CPA6: variants seen among roughly 807,000 people sequenced by gnomAD.
The protein encoded by CPA6 is carboxypeptidase B.
Under a neutral mutation model 63.3 loss-of-function variants are expected in CPA6, and 58 were observed. That is an observed-to-expected ratio of 0.92 (90% confidence interval 0.74 to 1.14). CPA6 has a LOEUF of 1.14. Ranked by LOEUF, CPA6 falls within the 50% of genes most tolerant of loss-of-function variation. The pLI, the probability that CPA6 is intolerant of heterozygous loss-of-function variation, is 0.00. For missense variants in CPA6, 565 were observed against 526.6 expected, an observed-to-expected ratio of 1.07 and a Z score of -0.71; for synonymous variants, 185 against 179.0, an observed-to-expected ratio of 1.03 and a Z score of -0.27.
chr8:67,607,556 T>A (rs1358011665), intron 2 of CPA6, among the ~76,000 whole-genome samples: 1 of 152,056 alleles, frequency 6.6e-6, no homozygotes, highest in Non-Finnish European at 1.5e-5. Flanking sequence ...CTTGTAAACC[T>A]GTCTATTTCT....
intron 8 of CPA6, among the ~76,000 whole-genome samples, chr8:67,436,416 A>T (rs1587422627): frequency 6.9e-6 from 1 of 145,314 alleles, no homozygotes; most frequent in Non-Finnish European, 1.5e-5. Flanking sequence ...AGAAAAGAAG[A>T]TGTGTATATT....
At chr8:67,718,527 C>T (rs78379867) in intron 1 of CPA6, among the ~76,000 whole-genome samples, 6,705 of 152,172 alleles carry the variant, frequency 0.044, 260 homozygotes, top group African/African-American at 0.099. Flanking sequence ...CATTTGGTGA[C>T]TCAGAAAGTG....
chr8:67,444,699 C>T (rs991958440), intron 8 of CPA6, among the ~76,000 whole-genome samples: 4 of 150,148 alleles, frequency 2.7e-5, no homozygotes, highest in African/African-American at 9.8e-5. Context: ...AGAAGAATCA[C>T]TTGAACCCGG....
In CPA6 at chr8:67,689,322, G is replaced by A. The variant is rs147474015; in HGVS notation, c.116+56692C>T. ...AGATTCAGTGGGTACACATGCAGGTGTGTTACATGGGTATATTGTGTGATA... is the reference window on the plus strand; with the variant it reads ...AGATTCAGTGGGTACACATGCAGGTATGTTACATGGGTATATTGTGTGATA... On this transcript the variant is annotated intron_variant, in intron 1 of 10. Transcript: ENST00000297770. 2.0e-3 allele frequency among the ~76,000 whole-genome samples: 298 copies of A among 152,254 alleles called. 3 individuals are homozygous for A. The highest frequency in any genetic ancestry group is 0.011 in the South Asian group (55 of 4,824).
At chr8:67,588,572 C>T (rs1814012057) in intron 2 of CPA6, among the ~76,000 whole-genome samples, 1 of 152,118 alleles carries the variant, frequency 6.6e-6, no homozygotes, top group African/African-American at 2.4e-5. Context: ...AATTACTACA[C>T]TGAAAGCATG....
At chr8:67,636,897 GA>G (rs1815480962) in intron 1 of CPA6, among the ~76,000 whole-genome samples, 1 of 151,532 alleles carries the variant, frequency 6.6e-6, no homozygotes, top group Non-Finnish European at 1.5e-5. Flanking sequence ...TGATGCACAT[GA>G]AAAATTTCAT....
intron 6 of CPA6, among the ~76,000 whole-genome samples, chr8:67,492,070 G>A (rs1364362861): frequency 6.6e-6 from 1 of 152,154 alleles, no homozygotes; most frequent in Non-Finnish European, 1.5e-5. Context: ...TGAAAGTGTG[G>A]CAAAGAAATG....
chr8:67,619,504 C>T (rs1007670910), intron 2 of CPA6, among the ~76,000 whole-genome samples: 3 of 152,052 alleles, frequency 2.0e-5, no homozygotes, highest in Non-Finnish European at 4.4e-5. Flanking sequence ...GGGCATTGAC[C>T]GGGGTGTGCT....
intron 1 of CPA6, among the ~76,000 whole-genome samples, chr8:67,694,603 C>A (rs1219055745): frequency 6.6e-5 from 10 of 152,220 alleles, no homozygotes; most frequent in Admixed American, 6.5e-4. Context: ...TGCCCATGGT[C>A]TCCACTCCTG....
chr8:67,726,409 G>T (rs541870473), intron 1 of CPA6, among the ~76,000 whole-genome samples: 1 of 152,148 alleles, frequency 6.6e-6, no homozygotes, highest in Non-Finnish European at 1.5e-5. Flanking sequence ...AAATGACGAC[G>T]TTTAACCTGG....
chr8:67,494,358 C>T (rs1296093142), intron 6 of CPA6, among the ~76,000 whole-genome samples: 8 of 152,166 alleles, frequency 5.3e-5, no homozygotes, highest in African/African-American at 1.4e-4. Flanking sequence ...ACTTGGAAAT[C>T]AAACAAATAT....
chr8:67,583,232 G>T (rs1027654156), intron 2 of CPA6, among the ~76,000 whole-genome samples: 1 of 152,232 alleles, frequency 6.6e-6, no homozygotes, highest in Non-Finnish European at 1.5e-5. Flanking sequence ...GTTAGTGGTA[G>T]TTGCTGGTTG....
At chr8:67,428,206 C>A in intron 9 of CPA6, 75 bp from the exon 10 acceptor site, 1 of 797,496 alleles carries the variant, frequency 1.3e-6, no homozygotes, top group Non-Finnish European at 2.1e-6. Context: ...TTGTTTGAGC[C>A]TCATCGATCA....
intron 1 of CPA6, among the ~76,000 whole-genome samples, chr8:67,669,154 C>T (rs957465421): frequency 1.3e-5 from 2 of 152,164 alleles, no homozygotes; most frequent in Non-Finnish European, 2.9e-5. Flanking sequence ...GTCAAAATTA[C>T]ATAGGAAAGA....
chr8:67,644,441 G>T (rs905445834), intron 1 of CPA6, among the ~76,000 whole-genome samples: 1 of 152,138 alleles, frequency 6.6e-6, no homozygotes, highest in African/African-American at 2.4e-5. Context: ...TGGCTTGCAG[G>T]GATGCCCTGG....
chr8:67,471,712 TTAC>T (rs1811063352), intron 8 of CPA6, among the ~76,000 whole-genome samples: 1 of 152,200 alleles, frequency 6.6e-6, no homozygotes, highest in Admixed American at 6.5e-5. Flanking sequence ...ATATCATCAT[TTAC>T]CTACATCTGT....
intron 1 of CPA6, among the ~76,000 whole-genome samples, chr8:67,718,690 AG>A (rs1176239502): frequency 6.7e-6 from 1 of 149,962 alleles, no homozygotes; most frequent in Non-Finnish European, 1.5e-5. Context: ...CTCTGTCACC[AG>A]GCTGGAGTGC....
At chr8:67,697,307 A>C (rs573335309) in intron 1 of CPA6, among the ~76,000 whole-genome samples, 13 of 152,334 alleles carry the variant, frequency 8.5e-5, no homozygotes, top group African/African-American at 3.1e-4. Context: ...GTCCTGGGTT[A>C]CAAATGCTGT....
intron 2 of CPA6, among the ~76,000 whole-genome samples, chr8:67,552,799 AAAG>A (rs1420088458): frequency 1.3e-4 from 20 of 149,640 alleles, no homozygotes; most frequent in African/African-American, 4.2e-4. Context: ...AAAAAAAAAA[AAAG>A]AAAAGAAAAG....
Sources: gnomAD v4.1 joint callset for allele counts (sites outside exome capture counted in the v4.1 genomes callset) on GRCh38, gnomAD v4.1.1 for gene constraint, MANE v1.5 for transcripts, NCBI Gene and HGNC (gene_info 2026-07-23, HGNC 2026-07-21) for gene names.